KAZN: variants seen among roughly 807,000 people sequenced by gnomAD.
KAZN encodes kazrin, periplakin interacting protein.
In KAZN, 40 loss-of-function variants were observed where a neutral mutation model predicts 87.4. That is an observed-to-expected ratio of 0.46 (90% CI 0.36 to 0.60). KAZN has a LOEUF of 0.60. Ranked by LOEUF, KAZN falls within the 20% of genes least tolerant of loss-of-function variation. The pLI is 0.00. For synonymous variants in KAZN, 466 were observed against 458.3 expected, an observed-to-expected ratio of 1.02 and a Z score of -0.22; for missense variants, 898 against 1,073.9, an observed-to-expected ratio of 0.84 and a Z score of 2.29.
intron 1 of KAZN, among the ~76,000 whole-genome samples, chr1:14,720,850 G>A (rs1643060265): frequency 6.6e-6 from 1 of 152,114 alleles, no homozygotes; most frequent in African/African-American, 2.4e-5. Context: ...CCGAGTACCT[G>A]GGACTACTAC....
intron 5 of KAZN, among the ~76,000 whole-genome samples, chr1:15,058,230 A>G (rs1358640028): frequency 6.6e-6 from 1 of 152,208 alleles, no homozygotes; most frequent in Non-Finnish European, 1.5e-5. Flanking sequence ...GATTGGTACC[A>G]CTGGCATCCA....
At chr1:14,308,199 AAAAAT>A (rs1655056410) in intron 2 of KAZN, among the ~76,000 whole-genome samples, 1 of 152,236 alleles carries the variant, frequency 6.6e-6, no homozygotes, top group Non-Finnish European at 1.5e-5. Context: ...CCAGGGGAAA[AAAAAT>A]AGCTATATAG....
At chr1:15,109,453 C>T (rs1218141944) in intron 13 of KAZN, among the ~76,000 whole-genome samples, 3 of 152,146 alleles carry the variant, frequency 2.0e-5, no homozygotes, top group Non-Finnish European at 4.4e-5. Context: ...TTTACTCGCA[C>T]CAGAACATAT....
intron 1 of KAZN, among the ~76,000 whole-genome samples, chr1:14,823,741 G>A (rs1343484907): frequency 1.3e-5 from 2 of 152,182 alleles, no homozygotes; most frequent in Admixed American, 6.5e-5. Flanking sequence ...GCTCAGATTG[G>A]AGGCTGGGAG....
Position 14,034,383 on chromosome 1 carries a change from G to C in KAZN, c.91+140627G>C, listed in dbSNP as rs139378715. Reference sequence around the variant, plus strand: ...ACAAGAGTCCTGTTTGGCCAGGGCAGAATTGGTTAATTTTAATATTGCATC... The same window carrying C: ...ACAAGAGTCCTGTTTGGCCAGGGCACAATTGGTTAATTTTAATATTGCATC... On this transcript the variant is annotated intron_variant, in intron 1 of 16. Transcript: ENST00000636203. 5.1e-3 allele frequency among the ~76,000 whole-genome samples: 769 copies of C among 152,246 alleles called. 5 individuals carry two copies. The highest frequency in any genetic ancestry group is 9.2e-3 in the Admixed American group (141 of 15,296).
intron 2 of KAZN, among the ~76,000 whole-genome samples, chr1:14,969,627 A>G (rs749558220): frequency 6.6e-6 from 1 of 151,992 alleles, no homozygotes; most frequent in Non-Finnish European, 1.5e-5. Context: ...GGCTTCTTAG[A>G]CTCCACATTT....
At chr1:14,232,023 A>G (rs1179881326) in intron 2 of KAZN, among the ~76,000 whole-genome samples, 1 of 152,116 alleles carries the variant, frequency 6.6e-6, no homozygotes, top group African/African-American at 2.4e-5. Flanking sequence ...CATCACTTCC[A>G]TTCTCATTCC....
intron 1 of KAZN, among the ~76,000 whole-genome samples, chr1:14,000,121 C>T (rs1266226535): frequency 6.6e-6 from 1 of 152,180 alleles, no homozygotes; most frequent in African/African-American, 2.4e-5. Flanking sequence ...ACCAGAGGTA[C>T]AAAGAGGAGC....
intron 1 of KAZN, among the ~76,000 whole-genome samples, chr1:14,875,904 A>G (rs1652718435): frequency 6.6e-6 from 1 of 152,238 alleles, no homozygotes; most frequent in Non-Finnish European, 1.5e-5. Context: ...CAGCCCAGGC[A>G]TGACTGCCAC....
chr1:14,753,622 T>C (rs969394520), intron 1 of KAZN, among the ~76,000 whole-genome samples: 2 of 151,832 alleles, frequency 1.3e-5, no homozygotes, highest in Admixed American at 1.3e-4. Context: ...AGGAGAAAAA[T>C]GGAGATCACA....
intron 2 of KAZN, among the ~76,000 whole-genome samples, chr1:14,986,473 G>A (rs1444327684): frequency 6.6e-6 from 1 of 152,098 alleles, no homozygotes; most frequent in East Asian, 1.9e-4. Context: ...TAATATTAAG[G>A]CAGCAAATCC....
chr1:14,104,036 G>C (rs1196227541), intron 1 of KAZN, among the ~76,000 whole-genome samples: 5 of 152,164 alleles, frequency 3.3e-5, no homozygotes, highest in Non-Finnish European at 7.3e-5. Context: ...GGGTGTTGGG[G>C]GTTACTGGAG....
At chr1:14,730,329 G>A (rs186983802) in intron 1 of KAZN, among the ~76,000 whole-genome samples, 5 of 152,148 alleles carry the variant, frequency 3.3e-5, no homozygotes, top group Non-Finnish European at 5.9e-5. Flanking sequence ...TAATCCGCCC[G>A]CCTCGGCTTC....
intron 2 of KAZN, among the ~76,000 whole-genome samples, chr1:14,439,438 C>A (rs559713367): frequency 1.2e-4 from 19 of 152,274 alleles, no homozygotes; most frequent in African/African-American, 4.6e-4. Context: ...ACCCCCTCCT[C>A]AATATAGAAG....
At chr1:14,278,315 G>A (rs914342649) in intron 2 of KAZN, among the ~76,000 whole-genome samples, 2 of 144,576 alleles carry the variant, frequency 1.4e-5, no homozygotes, top group African/African-American at 5.2e-5. Flanking sequence ...TTTTGAGATG[G>A]AGTCTTGCTC....
intron 13 of KAZN, among the ~76,000 whole-genome samples, chr1:15,107,841 C>A (rs533227238): frequency 6.6e-6 from 1 of 152,284 alleles, no homozygotes; most frequent in East Asian, 1.9e-4. Flanking sequence ...GCCTCAGTTT[C>A]TTCCTCTGTA....
intron 1 of KAZN, among the ~76,000 whole-genome samples, chr1:14,650,096 T>C (rs2148692577): frequency 6.6e-6 from 1 of 150,532 alleles, no homozygotes; most frequent in East Asian, 2.0e-4. Context: ...AGTTTAGTAA[T>C]TTTCCCATAG....
chr1:14,365,377 G>A (rs1011807720), intron 2 of KAZN, among the ~76,000 whole-genome samples: 1 of 147,358 alleles, frequency 6.8e-6, no homozygotes, highest in African/African-American at 2.5e-5. Context: ...GTGGGGGGGG[G>A]GGGGGTCTTT....
rs574526677 is a variant in KAZN at position 14,294,221 on chromosome 1, G to GT, written c.249+113630dup. On this transcript the variant is annotated intron_variant, in intron 2 of 16. Coordinates refer to the KAZN transcript ENST00000636203. The stretch of plus-strand genomic sequence containing the variant: ...TGCAAATTTGCCTTATGCCTTGTGT[G>GT]TCACTGATGCATCTCCAAAACAGAA... Among the ~76,000 whole-genome samples, 14 of 152,258 alleles carry GT rather than the reference G, an allele frequency of 9.2e-5. No homozygotes were observed. The South Asian group carries it at 2.9e-3, about 32-fold the overall frequency.
Sources: allele counts gnomAD v4.1 joint callset (sites outside exome capture counted in the v4.1 genomes callset), GRCh38; gene constraint gnomAD v4.1.1; transcripts MANE v1.5; gene names NCBI Gene and HGNC (gene_info 2026-07-23, HGNC 2026-07-21).